ACTR3C: variants seen among roughly 807,000 people sequenced by gnomAD.
The protein encoded by ACTR3C is actin related protein 3C, also known as actin-related protein 3C.
A neutral mutation model predicts 26.3 loss-of-function variants in ACTR3C; 18 were observed. That is an observed-to-expected ratio of 0.68 (90% confidence interval 0.47 to 1.01). The LOEUF (loss-of-function observed/expected upper bound fraction) is 1.01. Ranked by LOEUF, ACTR3C falls within the 50% of genes least tolerant of loss-of-function variation. The pLI, the probability that ACTR3C is intolerant of heterozygous loss-of-function variation, is 0.00. For missense variants in ACTR3C, 184 were observed against 250.7 expected (o/e 0.73, Z 1.80); for synonymous variants, 55 against 94.5 (o/e 0.58, Z 2.42).
chr7:150,266,518 G>A (rs1163655359), intron 6 of ACTR3C, among the ~76,000 whole-genome samples: 1 of 151,832 alleles, frequency 6.6e-6, no homozygotes, highest in African/African-American at 2.4e-5. Context: ...TTTTGTGGTA[G>A]GCAAAAATTT....
chr7:150,142,020 T>C, the ACTR3C span, among the ~76,000 whole-genome samples: 1 of 152,076 alleles, frequency 6.6e-6, no homozygotes, highest in African/African-American at 2.4e-5. Context: ...GCCCCAGCCA[T>C]GGGGCAATGA....
At chr7:150,252,057 C>T (rs1386645410) in intron 6 of ACTR3C, among the ~76,000 whole-genome samples, 6 of 151,918 alleles carry the variant, frequency 3.9e-5, no homozygotes, top group Admixed American at 1.3e-4. Context: ...TCTTTTTAAG[C>T]GCTTTAACTT....
At chr7:150,134,121 C>T in the ACTR3C span, among the ~76,000 whole-genome samples, 9 of 151,722 alleles carry the variant, frequency 5.9e-5, no homozygotes, top group African/African-American at 2.2e-4. Flanking sequence ...TTTTATAATT[C>T]TCACATCCTT....
chr7:150,029,413 A>C, the ACTR3C span, among the ~76,000 whole-genome samples: 883 of 93,158 alleles, frequency 9.5e-3, 41 homozygotes, highest in African/African-American at 0.059. Flanking sequence ...CAAAAAAAAA[A>C]AAAACAAACA....
At chr7:149,935,689 G>C in the ACTR3C span, among the ~76,000 whole-genome samples, 1 of 138,022 alleles carries the variant, frequency 7.2e-6, no homozygotes, top group African/African-American at 2.7e-5. Context: ...AAGGTAATGT[G>C]TTCTTATCAG....
At chr7:149,981,985 T>C in the ACTR3C span, among the ~76,000 whole-genome samples, 1 of 152,190 alleles carries the variant, frequency 6.6e-6, no homozygotes, top group East Asian at 1.9e-4. Flanking sequence ...ATGAGACCCA[T>C]GGCTACAGCC....
At chr7:149,901,056 G>T in the ACTR3C span, among the ~76,000 whole-genome samples, 1 of 152,156 alleles carries the variant, frequency 6.6e-6, no homozygotes, top group South Asian at 2.1e-4. Context: ...CACTGTATGA[G>T]TAGTAGCATT....
chr7:149,939,487 A>G, the ACTR3C span, among the ~76,000 whole-genome samples: 3 of 152,242 alleles, frequency 2.0e-5, no homozygotes, highest in Non-Finnish European at 2.9e-5. Context: ...GAAAAAGACA[A>G]TGAAAAGCAA....
At chr7:150,119,214 C>T in the ACTR3C span, among the ~76,000 whole-genome samples, 5 of 152,166 alleles carry the variant, frequency 3.3e-5, no homozygotes, top group Non-Finnish European at 7.3e-5. Context: ...ATCATAATGA[C>T]AGGATCAAAT....
the ACTR3C span, among the ~76,000 whole-genome samples, chr7:150,005,515 A>ACCT: frequency 6.6e-6 from 1 of 151,594 alleles, no homozygotes; most frequent in Admixed American, 6.6e-5. Context: ...TGTCCACATC[A>ACCT]CCTCCTTGCG....
chr7:150,257,229 T>C (rs1833282251), intron 6 of ACTR3C, among the ~76,000 whole-genome samples: 1 of 152,200 alleles, frequency 6.6e-6, no homozygotes, highest in Non-Finnish European at 1.5e-5. Flanking sequence ...GTTGAGTCGT[T>C]AATGGGTAAG....
downstream of ACTR3C, chr7:150,247,158 T>A (rs1276083495): frequency 1.3e-5 from 2 of 152,296 alleles, no homozygotes; most frequent in African/African-American, 4.8e-5. Context: ...AGTAATTTTG[T>A]TTATTGCCAC....
At chr7:150,206,305 G>A in the ACTR3C span, among the ~76,000 whole-genome samples, 1 of 152,198 alleles carries the variant, frequency 6.6e-6, no homozygotes, top group East Asian at 1.9e-4. Flanking sequence ...TCAACTAGTG[G>A]CTTTATTCCC....
At chr7:149,911,932 C>G in the ACTR3C span, among the ~76,000 whole-genome samples, 1 of 151,252 alleles carries the variant, frequency 6.6e-6, no homozygotes, top group Non-Finnish European at 1.5e-5. Flanking sequence ...ACCCGTTAAG[C>G]CCAGGAGTTC....
chr7:150,311,993 A>G (rs1796366816), intron 1 of ACTR3C, among the ~76,000 whole-genome samples: 1 of 152,182 alleles, frequency 6.6e-6, no homozygotes, highest in South Asian at 2.1e-4. Flanking sequence ...CCTCTCTAAT[A>G]AAGGCCCTTC....
At chr7:150,060,385 C>A in the ACTR3C span, among the ~76,000 whole-genome samples, 6,319 of 148,436 alleles carry the variant, frequency 0.043, 129 homozygotes, top group African/African-American at 0.14. Flanking sequence ...CAAAAAAACA[C>A]TTCTTACAGC....
At chr7:150,177,937 T>C in the ACTR3C span, among the ~76,000 whole-genome samples, 1 of 150,854 alleles carries the variant, frequency 6.6e-6, no homozygotes, top group South Asian at 2.1e-4. Flanking sequence ...AGCTTTATTA[T>C]CCGTAAATTT....
chr7:150,116,200 G>A, the ACTR3C span, among the ~76,000 whole-genome samples: 3 of 152,168 alleles, frequency 2.0e-5, no homozygotes, highest in African/African-American at 2.4e-5. Context: ...TCAGCTATGC[G>A]AATGCAAAAC....
At chr7:150,048,748 T>C in the ACTR3C span, among the ~76,000 whole-genome samples, 1 of 151,966 alleles carries the variant, frequency 6.6e-6, no homozygotes, top group African/African-American at 2.4e-5. Context: ...GGGGTGCAAA[T>C]GGGGCGTGGG....
Sources: allele counts gnomAD v4.1 joint callset (sites outside exome capture counted in the v4.1 genomes callset), GRCh38; gene constraint gnomAD v4.1.1; transcripts MANE v1.5; gene names NCBI Gene and HGNC (gene_info 2026-07-23, HGNC 2026-07-21).